The following ARID1B variants were observed in gnomAD, a reference collection of about 807,000 sequenced individuals.
ARID1B encodes AT-rich interactive domain-containing protein 1B.
A neutral mutation model predicts 212.3 loss-of-function variants in ARID1B; 30 were observed. The observed-to-expected ratio is 0.14, with a 90% CI of 0.11 to 0.19. The LOEUF (loss-of-function observed/expected upper bound fraction) is 0.19. ARID1B is among the 10% of genes least tolerant of loss of function. The pLI, the probability that ARID1B is intolerant of heterozygous loss-of-function variation, is 1.00. For synonymous variants in ARID1B, 1,402 were observed against 1,301.7 expected, an observed-to-expected ratio of 1.08 and a Z score of -1.66; for missense variants, 2,891 against 3,204.0, an observed-to-expected ratio of 0.90 and a Z score of 2.36.
chr6:157,030,112 G>A (rs1780933237), intron 4 of ARID1B, among the ~76,000 whole-genome samples: 1 of 152,198 alleles, frequency 6.6e-6, no homozygotes, highest in Non-Finnish European at 1.5e-5. Flanking sequence ...CAGCTGGGTG[G>A]TTCTGGTTTG....
At chr6:156,916,581 C>T (rs555055296) in intron 3 of ARID1B, among the ~76,000 whole-genome samples, 15 of 152,252 alleles carry the variant, frequency 9.9e-5, no homozygotes, top group South Asian at 2.1e-4. Context: ...AAAGCTCCTT[C>T]AATGCTGTGG....
chr6:156,884,476 C>T (rs749030293), intron 2 of ARID1B, among the ~76,000 whole-genome samples: 3 of 152,272 alleles, frequency 2.0e-5, no homozygotes, highest in East Asian at 1.9e-4. Flanking sequence ...CTAAGCAGTG[C>T]GCCTTCCCAG....
In ARID1B at chr6:156,808,235, A is replaced by G. The variant is rs1340391785; in HGVS notation, c.1792-20992A>G. 3.9e-5 allele frequency among the ~76,000 whole-genome samples: 6 copies of G among 152,224 alleles called. No homozygotes were observed. The East Asian group carries it at 5.8e-4, about 15-fold the overall frequency. On this transcript the variant is annotated intron_variant, in intron 1 of 19. Coordinates refer to ENST00000636930, the MANE Select transcript of ARID1B (RefSeq NM_001374828.1). ...TTTTATTTTTCCCGAAGTTATTTGC[A>G]TTCTGTCTTGTTAGCTTTAGAAATA...
rs6937235 is a variant in ARID1B, at chr6:156,989,969, A to G, written c.2247+54393A>G. Among the ~76,000 whole-genome samples, 1,292 of 152,214 alleles carry G rather than the reference A, an allele frequency of 8.5e-3. 23 individuals carry two copies. Among genetic ancestry groups the G allele is most frequent in the African/African-American group, 0.03 (1,246 of 41,504 alleles). On this transcript the variant is annotated intron_variant, in intron 4 of 19. Transcript: ENST00000636930. ...GATATAATTCTTGCCAATTAATTTG[A>G]TTTTCAACCTTTACAATGAATAATG...
chr6:156,983,028 G>C (rs529996802), intron 4 of ARID1B, among the ~76,000 whole-genome samples: 144 of 151,824 alleles, frequency 9.5e-4, no homozygotes, highest in African/African-American at 3.4e-3. Flanking sequence ...CTGGGAGGTG[G>C]AGGTTGCAGT....
At chr6:157,196,082 C>A (rs2128355059) in intron 15 of ARID1B, 83 bp from the exon 16 acceptor site, 1 of 1,535,096 alleles carries the variant, frequency 6.5e-7, no homozygotes, top group Non-Finnish European at 8.9e-7. Flanking sequence ...AGTCCAAAGA[C>A]AATAGAGATG....
intron 5 of ARID1B, among the ~76,000 whole-genome samples, chr6:157,085,951 C>G (rs2128465867): frequency 6.6e-6 from 1 of 152,076 alleles, no homozygotes; most frequent in African/African-American, 2.4e-5. Context: ...AAATATTGTT[C>G]TTTTGGTTTT....
chr6:156,891,117 A>T (rs1045615040), intron 2 of ARID1B, among the ~76,000 whole-genome samples: 1 of 152,198 alleles, frequency 6.6e-6, no homozygotes, highest in African/African-American at 2.4e-5. Flanking sequence ...TGACATAATA[A>T]AATTTCCTTG....
At position 157,175,013 on chromosome 6, in the gene ARID1B, G is replaced by A; in HGVS notation, c.3504+8G>A. 1 of 1,373,296 alleles carries A rather than the reference G, an allele frequency of 7.3e-7. No homozygotes were observed. The highest frequency in any genetic ancestry group is 2.1e-5 in the South Asian group (1 of 48,148). 85.1% of individuals were successfully genotyped at this position (1,373,296 alleles called of 1,614,324 possible). A position where few individuals can be genotyped will look rare whatever the true frequency, so the allele number is the denominator to read the frequency against. ...AAGACTCCATCAAGCCCTGTAAGTGGCTCTGGTTTTTTTTTGTTTTTTTTG... is the reference window on the plus strand; with the variant it reads ...AAGACTCCATCAAGCCCTGTAAGTGACTCTGGTTTTTTTTTGTTTTTTTTG... On this transcript the variant is annotated splice_region_variant and intron_variant, in intron 11 of 19. Coordinates refer to ENST00000636930, the MANE Select transcript of ARID1B (RefSeq NM_001374828.1).
At chr6:157,039,836 CTT>C (rs1467239628) in intron 4 of ARID1B, among the ~76,000 whole-genome samples, 6 of 94,944 alleles carry the variant, frequency 6.3e-5, no homozygotes, top group Admixed American at 1.0e-4. Flanking sequence ...TTCTCTCTTT[CTT>C]TCTCTCTCTT....
In ARID1B at chr6:157,184,218, T is replaced by C. The variant is rs754214916; in HGVS notation, c.3715-13T>C. ...TTGTTGCAAACCAATGATCCTGCCGTGTTTTTCACTAGGTTAATAAAAACA... is the reference window on the plus strand; with the variant it reads ...TTGTTGCAAACCAATGATCCTGCCGCGTTTTTCACTAGGTTAATAAAAACA... On this transcript the variant is annotated splice_polypyrimidine_tract_variant and intron_variant, in intron 12 of 19. Coordinates refer to ENST00000636930, the MANE Select transcript of ARID1B (RefSeq NM_001374828.1). 6.3e-7 allele frequency: 1 copy of C among 1,594,284 alleles called. No homozygotes were observed. The highest frequency in any genetic ancestry group is 1.1e-5 in the South Asian group (1 of 89,000).
At chr6:156,983,637 G>A (rs1005668783) in intron 4 of ARID1B, among the ~76,000 whole-genome samples, 3 of 152,120 alleles carry the variant, frequency 2.0e-5, no homozygotes, top group South Asian at 2.1e-4. Flanking sequence ...GACATTACGG[G>A]GCTGGGCTGA....
chr6:156,835,960 G>A (rs1392761265), intron 2 of ARID1B, among the ~76,000 whole-genome samples: 1 of 152,014 alleles, frequency 6.6e-6, no homozygotes, highest in Non-Finnish European at 1.5e-5. Flanking sequence ...GGTTGGTCTC[G>A]AACAAGTGTG....
chr6:156,788,655 T>A (rs2781802), intron 1 of ARID1B, among the ~76,000 whole-genome samples: 33,512 of 152,204 alleles, frequency 0.22, 4,217 homozygotes, highest in African/African-American at 0.32. Flanking sequence ...GTTTGCTTCA[T>A]CTTCACTGAA....
At chr6:156,787,662 A>G (rs1271277296) in intron 1 of ARID1B, among the ~76,000 whole-genome samples, 1 of 152,196 alleles carries the variant, frequency 6.6e-6, no homozygotes, top group African/African-American at 2.4e-5. Context: ...GACCTTGGAA[A>G]TAGGAATGTG....
At chr6:157,187,806 T>TA (rs1172692517) in intron 13 of ARID1B, among the ~76,000 whole-genome samples, 2 of 152,008 alleles carry the variant, frequency 1.3e-5, no homozygotes, top group East Asian at 3.9e-4. Flanking sequence ...TTTTTTTTTT[T>TA]ATTAGCTATA....
intron 8 of ARID1B, among the ~76,000 whole-genome samples, chr6:157,160,429 C>G (rs951790324): frequency 6.6e-6 from 1 of 152,188 alleles, no homozygotes; most frequent in Admixed American, 6.5e-5. Context: ...TCACCAAATC[C>G]TGTCCGTTTC....
chr6:157,103,200 TCTAATTA>T (rs1786201590), intron 5 of ARID1B, among the ~76,000 whole-genome samples: 1 of 152,146 alleles, frequency 6.6e-6, no homozygotes, highest in Non-Finnish European at 1.5e-5. Context: ...GTTACAAAGA[TCTAATTA>T]TCTATTAATC....
intron 4 of ARID1B, among the ~76,000 whole-genome samples, chr6:157,045,236 A>T (rs1169664013): frequency 6.6e-6 from 1 of 152,210 alleles, no homozygotes; most frequent in Non-Finnish European, 1.5e-5. Context: ...ATGGGTCATT[A>T]ATTCATTGAT....
Sources: allele counts gnomAD v4.1 joint callset (sites outside exome capture counted in the v4.1 genomes callset), GRCh38; gene constraint gnomAD v4.1.1; transcripts MANE v1.5; gene names NCBI Gene and HGNC (gene_info 2026-07-23, HGNC 2026-07-21).